PTPRD: variants seen among roughly 807,000 people sequenced by gnomAD.
The protein encoded by PTPRD is receptor-type tyrosine-protein phosphatase delta.
In PTPRD, 34 loss-of-function variants were observed where a neutral mutation model predicts 214.5. The ratio of observed to expected loss-of-function variants is 0.16; its 90% CI spans 0.12 to 0.21. PTPRD has a LOEUF of 0.21. Among genes scored for constraint, PTPRD ranks in the 10% least tolerant of loss-of-function variants. The pLI, the probability that PTPRD is intolerant of heterozygous loss-of-function variation, is 1.00. For synonymous variants in PTPRD, 1,128 were observed against 845.7 expected (o/e 1.33, Z -5.79); for missense variants, 2,545 against 2,398.7 (o/e 1.06, Z -1.27).
At chr9:10,274,329 A>G (rs1233271135) in intron 3 of PTPRD, among the ~76,000 whole-genome samples, 1 of 152,176 alleles carries the variant, frequency 6.6e-6, no homozygotes, top group Non-Finnish European at 1.5e-5. Context: ...TATAGCTAAC[A>G]AGTGACTGAA....
intron 3 of PTPRD, among the ~76,000 whole-genome samples, chr9:10,276,302 C>G (rs1298447148): frequency 6.6e-6 from 1 of 152,192 alleles, no homozygotes; most frequent in African/African-American, 2.4e-5. Context: ...CACAGCTACA[C>G]AATCCTGCAC....
intron 11 of PTPRD, among the ~76,000 whole-genome samples, chr9:8,854,817 G>A (rs938210083): frequency 6.6e-6 from 1 of 152,168 alleles, no homozygotes; most frequent in African/African-American, 2.4e-5. Context: ...TTCCCTTAAA[G>A]TAATTCTGCT....
chr9:9,647,520 ATATG>A (rs1393798315), intron 7 of PTPRD, among the ~76,000 whole-genome samples: 1 of 152,164 alleles, frequency 6.6e-6, no homozygotes, highest in Non-Finnish European at 1.5e-5. Context: ...CCAGTCTTAT[ATATG>A]TATTACCTAT....
chr9:10,515,357 G>C (rs1198318327), intron 2 of PTPRD, among the ~76,000 whole-genome samples: 1 of 151,944 alleles, frequency 6.6e-6, no homozygotes, highest in African/African-American at 2.4e-5. Flanking sequence ...TAAAGCCTTT[G>C]TGGTCCACAA....
chr9:10,080,858 T>C (rs2098225245), intron 3 of PTPRD, among the ~76,000 whole-genome samples: 1 of 152,134 alleles, frequency 6.6e-6, no homozygotes, highest in Non-Finnish European at 1.5e-5. Context: ...ATACAGTTAT[T>C]GGTATGAATA....
intron 14 of PTPRD, among the ~76,000 whole-genome samples, chr9:8,629,644 A>C (rs1454985749): frequency 6.6e-6 from 1 of 151,826 alleles, no homozygotes; most frequent in Non-Finnish European, 1.5e-5. Context: ...AGTTCTGCTT[A>C]GGATGGGAAA....
At chr9:8,967,538 G>C (rs781680411) in intron 11 of PTPRD, among the ~76,000 whole-genome samples, 7 of 152,194 alleles carry the variant, frequency 4.6e-5, no homozygotes, top group African/African-American at 7.2e-5. Flanking sequence ...GATGAAGCTG[G>C]AGGCCATTAT....
intron 11 of PTPRD, among the ~76,000 whole-genome samples, chr9:8,955,655 A>G (rs998664727): frequency 1.3e-5 from 2 of 151,562 alleles, no homozygotes; most frequent in African/African-American, 4.8e-5. Flanking sequence ...CTTCCATAGA[A>G]GCTTATTTTC....
At chr9:10,185,450 T>C (rs1327103040) in intron 3 of PTPRD, among the ~76,000 whole-genome samples, 4 of 152,182 alleles carry the variant, frequency 2.6e-5, no homozygotes, top group South Asian at 2.1e-4. Context: ...AGCATTTATA[T>C]CTTTCCTCCT....
intron 5 of PTPRD, among the ~76,000 whole-genome samples, chr9:9,838,500 T>G (rs1263897329): frequency 2.0e-5 from 3 of 152,174 alleles, no homozygotes; most frequent in Non-Finnish European, 4.4e-5. Flanking sequence ...GGTTTTGATT[T>G]GCATTTCTCT....
At chr9:9,118,729 C>T (rs958858218) in intron 10 of PTPRD, among the ~76,000 whole-genome samples, 1 of 152,126 alleles carries the variant, frequency 6.6e-6, no homozygotes, top group Non-Finnish European at 1.5e-5. Flanking sequence ...AATAAGGTGA[C>T]TAAAAAGCAG....
At chr9:9,624,739 G>T (rs1435633458) in intron 7 of PTPRD, among the ~76,000 whole-genome samples, 1 of 151,798 alleles carries the variant, frequency 6.6e-6, no homozygotes, top group East Asian at 1.9e-4. Context: ...AACAGATGCA[G>T]ATCTGGGGAG....
intron 5 of PTPRD, among the ~76,000 whole-genome samples, chr9:9,851,240 C>T (rs1055366778): frequency 6.6e-5 from 10 of 152,172 alleles, no homozygotes; most frequent in Non-Finnish European, 2.9e-5. Flanking sequence ...TCAAAAGTGT[C>T]TCTGAGTGAA....
At chr9:8,354,576 C>CT (rs2076501148) in intron 39 of PTPRD, among the ~76,000 whole-genome samples, 1 of 152,192 alleles carries the variant, frequency 6.6e-6, no homozygotes, top group East Asian at 1.9e-4. Context: ...AGCATCTGGG[C>CT]CTTTGAACTC....
chr9:8,948,496 T>C (rs1187663991), intron 11 of PTPRD, among the ~76,000 whole-genome samples: 11 of 45,536 alleles, frequency 2.4e-4, no homozygotes, highest in African/African-American at 4.7e-4. Context: ...TATATATTTA[T>C]ATATATATTT....
At chr9:9,097,800 C>T (rs555692760) in intron 10 of PTPRD, among the ~76,000 whole-genome samples, 47 of 148,070 alleles carry the variant, frequency 3.2e-4, no homozygotes, top group African/African-American at 1.0e-3. Context: ...GTCTTTGTTA[C>T]GAACTATTTT....
At chr9:9,764,129 C>G (rs1038161722) in intron 6 of PTPRD, among the ~76,000 whole-genome samples, 3 of 152,108 alleles carry the variant, frequency 2.0e-5, no homozygotes, top group Admixed American at 6.5e-5. Flanking sequence ...AATAATGTAT[C>G]TGTTTCTTCT....
In PTPRD at chr9:9,397,698, A is replaced by G. The variant is rs183247567; in HGVS notation, c.-236-216T>C. Among the ~76,000 whole-genome samples the G allele has an allele frequency of 6.6e-5, 10 of 152,104 alleles. No homozygotes were observed. In the South Asian group the frequency reaches 1.9e-3, roughly 28 times the overall value. On this transcript the variant is annotated intron_variant, in intron 8 of 45. Transcript: ENST00000381196. Reference sequence around the variant, plus strand: ...AAAAAAGATATTAGTTGTTTATTCAAAAATCTTTTTTATAGGCATACCTGG... The same window carrying G: ...AAAAAAGATATTAGTTGTTTATTCAGAAATCTTTTTTATAGGCATACCTGG...
At chr9:10,273,667 A>G (rs983930248) in intron 3 of PTPRD, among the ~76,000 whole-genome samples, 10 of 152,146 alleles carry the variant, frequency 6.6e-5, no homozygotes, top group Non-Finnish European at 1.3e-4. Context: ...TTCTTTATTC[A>G]AAGAACCACT....
Sources: allele counts gnomAD v4.1 joint callset (sites outside exome capture counted in the v4.1 genomes callset), GRCh38; gene constraint gnomAD v4.1.1; transcripts MANE v1.5; gene names NCBI Gene and HGNC (gene_info 2026-07-23, HGNC 2026-07-21).